IFT74: variants seen among roughly 807,000 people sequenced by gnomAD.
The protein encoded by IFT74 is intraflagellar transport 74.
Under a neutral mutation model 96.7 loss-of-function variants are expected in IFT74, and 92 were observed. The observed-to-expected ratio is 0.95, with a 90% CI of 0.80 to 1.13. The LOEUF is 1.13. Among genes scored for constraint, IFT74 ranks in the 50% most tolerant of loss-of-function variants. The pLI, the probability that IFT74 is intolerant of heterozygous loss-of-function variation, is 0.00. For missense variants in IFT74, 811 were observed against 698.2 expected (o/e 1.16, Z -1.82); for synonymous variants, 223 against 213.2 (o/e 1.05, Z -0.40).
intron 1 of IFT74, among the ~76,000 whole-genome samples, chr9:26,957,368 C>A (rs142313986): frequency 3.3e-5 from 5 of 152,154 alleles, no homozygotes; most frequent in Non-Finnish European, 7.4e-5. Flanking sequence ...TTATTGTACT[C>A]GTTTTCTTCT....
At chr9:27,008,419 G>A (rs768874412) in intron 8 of IFT74, among the ~76,000 whole-genome samples, 12 of 151,404 alleles carry the variant, frequency 7.9e-5, no homozygotes, top group Admixed American at 1.3e-4. Context: ...GTGAAGTGGC[G>A]CGATCTCAGC....
At chr9:26,957,830 G>T (rs958310840) in intron 1 of IFT74, among the ~76,000 whole-genome samples, 25 of 151,778 alleles carry the variant, frequency 1.6e-4, no homozygotes, top group African/African-American at 5.8e-4. Context: ...GTCTTGCTCA[G>T]TCGCCCAGGC....
At chr9:26,997,893 GA>G in intron 8 of IFT74, 1 of 1,614,148 alleles carries the variant, frequency 6.2e-7, no homozygotes, top group Non-Finnish European at 8.5e-7. Context: ...AGGCTTCTTA[GA>G]GGCACAAATA....
chr9:26,998,060 A>T, intron 8 of IFT74: 1 of 1,613,180 alleles, frequency 6.2e-7, no homozygotes, highest in Non-Finnish European at 8.5e-7. Context: ...GTTATTATGT[A>T]AGATAGTAAC....
chr9:27,010,136 C>T (rs1563971483), intron 9 of IFT74, among the ~76,000 whole-genome samples: 2 of 151,924 alleles, frequency 1.3e-5, no homozygotes, highest in Admixed American at 6.6e-5. Flanking sequence ...TACAGGCGCC[C>T]GCCACCACGC....
chr9:27,019,745 G>A (rs1325932843), intron 12 of IFT74, among the ~76,000 whole-genome samples: 1 of 151,500 alleles, frequency 6.6e-6, no homozygotes, highest in Non-Finnish European at 1.5e-5. Flanking sequence ...AAACATCCAT[G>A]TACAAGTTTT....
chr9:26,968,651 T>C (rs764892917), intron 2 of IFT74, among the ~76,000 whole-genome samples: 20 of 152,324 alleles, frequency 1.3e-4, no homozygotes, highest in Non-Finnish European at 2.5e-4. Context: ...GTTGGTTGTA[T>C]GTGTTTAGTC....
At chr9:27,056,293 A>C in intron 17 of IFT74, 41 bp from the exon 18 acceptor site, 1 of 1,417,294 alleles carries the variant, frequency 7.1e-7, no homozygotes. Flanking sequence ...GGCTTACTAC[A>C]TATTTTCTAT....
At chr9:26,982,580 C>T (rs972964179) in intron 4 of IFT74, among the ~76,000 whole-genome samples, 26 of 151,738 alleles carry the variant, frequency 1.7e-4, no homozygotes, top group African/African-American at 5.6e-4. Context: ...CTCAGCCTCC[C>T]GAGTAGCTGG....
At chr9:27,037,605 C>T (rs1213910097) in intron 13 of IFT74, among the ~76,000 whole-genome samples, 1 of 152,146 alleles carries the variant, frequency 6.6e-6, no homozygotes. Flanking sequence ...TACCTACATC[C>T]GTAAGAGTGT....
At chr9:27,003,761 A>C (rs561013182) in intron 8 of IFT74, among the ~76,000 whole-genome samples, 73 of 152,344 alleles carry the variant, frequency 4.8e-4, no homozygotes, top group Non-Finnish European at 4.4e-4. Flanking sequence ...ATTTTATAAA[A>C]TTTGGATGTA....
chr9:27,010,807 A>G (rs1045432368), intron 9 of IFT74, among the ~76,000 whole-genome samples: 1 of 152,160 alleles, frequency 6.6e-6, no homozygotes. Context: ...GAGTGAGAAC[A>G]TGCAATATTA....
intron 2 of IFT74, among the ~76,000 whole-genome samples, chr9:26,972,353 G>A (rs1030194996): frequency 3.3e-5 from 5 of 152,162 alleles, no homozygotes; most frequent in Admixed American, 6.5e-5. Context: ...AACCAACACT[G>A]CTCTAGCTGC....
At chr9:26,968,606 G>A (rs900857664) in intron 2 of IFT74, among the ~76,000 whole-genome samples, 2 of 152,098 alleles carry the variant, frequency 1.3e-5, no homozygotes, top group Non-Finnish European at 1.5e-5. Flanking sequence ...TTATTGGTCT[G>A]TTCAGGTTTT....
intron 13 of IFT74, among the ~76,000 whole-genome samples, chr9:27,035,807 C>T (rs1332378915): frequency 2.0e-5 from 3 of 152,068 alleles, no homozygotes; most frequent in East Asian, 3.9e-4. Context: ...TTTTAAAGTG[C>T]CTCCTGTCTT....
chr9:26,976,542 A>G (rs1295196409), intron 2 of IFT74: 1 of 323,800 alleles, frequency 3.1e-6, no homozygotes. Context: ...TGGGCGCATG[A>G]TGGGAGAGAG....
chr9:26,983,308 T>A (rs1827468296), intron 4 of IFT74, among the ~76,000 whole-genome samples: 1 of 152,238 alleles, frequency 6.6e-6, no homozygotes, highest in African/African-American at 2.4e-5. Context: ...AATGATTGCA[T>A]TGCCTTTCTC....
At chr9:27,060,315 A>G (rs1157897513) in intron 18 of IFT74, among the ~76,000 whole-genome samples, 2 of 152,270 alleles carry the variant, frequency 1.3e-5, no homozygotes, top group East Asian at 3.9e-4. Context: ...AAGGAAAATC[A>G]TAAATTGTCT....
In IFT74 at chr9:26,975,835, C is replaced by T. The variant is rs1436181585; in HGVS notation, c.121-2293C>T. Among the ~76,000 whole-genome samples the T allele has an allele frequency of 4.6e-5, 7 of 152,212 alleles. No individual in the cohort carries two copies. In the East Asian group the frequency reaches 1.4e-3, roughly 29 times the overall value. ...TTTCTTGCCTATCCTTTAGCCCCAC[C>T]TGTTGGAGGCTCCTTGCATCCTTCT... On this transcript the variant is annotated intron_variant, in intron 2 of 19. Coordinates refer to ENST00000380062, the MANE Select transcript of IFT74 (RefSeq NM_025103.4).
Sources: allele counts gnomAD v4.1 joint callset (sites outside exome capture counted in the v4.1 genomes callset), GRCh38; gene constraint gnomAD v4.1.1; transcripts MANE v1.5; gene names NCBI Gene and HGNC (gene_info 2026-07-23, HGNC 2026-07-21).